Variants in CLYBL observed in about 807,000 individuals in gnomAD.
The protein encoded by CLYBL is citramalyl-CoA lyase, mitochondrial.
In CLYBL, 31 loss-of-function variants were observed where a neutral mutation model predicts 38.9. The ratio of observed to expected loss-of-function variants is 0.80; its 90% CI spans 0.60 to 1.08. The LOEUF is 1.08. Ranked by LOEUF, CLYBL falls within the 50% of genes least tolerant of loss-of-function variation. The pLI, the probability that CLYBL is intolerant of heterozygous loss-of-function variation, is 0.00. For synonymous variants in CLYBL, 171 were observed against 158.6 expected, an observed-to-expected ratio of 1.08 and a Z score of -0.59; for missense variants, 434 against 411.6, an observed-to-expected ratio of 1.05 and a Z score of -0.47.
At chr13:99,783,444 T>G (rs969205100) in intron 2 of CLYBL, among the ~76,000 whole-genome samples, 3 of 133,362 alleles carry the variant, frequency 2.2e-5, no homozygotes, top group African/African-American at 9.1e-5. Context: ...TCTGATAAAT[T>G]CAGTACTTTG....
intron 1 of CLYBL, among the ~76,000 whole-genome samples, chr13:99,671,330 A>G (rs913537614): frequency 6.6e-6 from 1 of 152,162 alleles, no homozygotes; most frequent in African/African-American, 2.4e-5. Context: ...CTGCAGGCCA[A>G]AGAGTTTGAG....
chr13:99,863,454 GTTC>G (rs2051660022), intron 4 of CLYBL, among the ~76,000 whole-genome samples: 1 of 144,516 alleles, frequency 6.9e-6, no homozygotes, highest in Non-Finnish European at 1.5e-5. Context: ...ACTTTGAAAT[GTTC>G]TTTTCTATCA....
At position 99,625,103 on chromosome 13, in the gene CLYBL, G is replaced by C. The variant is rs541100833; in HGVS notation, c.62+18346G>C. Reference sequence around the variant, plus strand: ...CTCTCATGCCTTCTCCATCGGAGCTGGTTCATCACCTTGGCCTGTCTTGGG... The same window carrying C: ...CTCTCATGCCTTCTCCATCGGAGCTCGTTCATCACCTTGGCCTGTCTTGGG... On this transcript the variant is annotated intron_variant, in intron 1 of 8. Coordinates refer to ENST00000339105, the MANE Select transcript of CLYBL (RefSeq NM_206808.5). Among the ~76,000 whole-genome samples the C allele has an allele frequency of 3.3e-5, 5 of 152,326 alleles. No individual in the cohort carries two copies. In the East Asian group the frequency reaches 9.6e-4, roughly 29 times the overall value.
chr13:99,863,118 A>AAGTT (rs773639976), intron 4 of CLYBL, 26 bp downstream of exon 4: 5 of 1,252,784 alleles, frequency 4.0e-6, no homozygotes, highest in Non-Finnish European at 4.5e-6. Context: ...TACGGTTAAT[A>AAGTT]AGTTAGCATT....
At chr13:99,672,202 CTTTT>C (rs75680397) in intron 1 of CLYBL, among the ~76,000 whole-genome samples, 2 of 131,252 alleles carry the variant, frequency 1.5e-5, no homozygotes, top group Non-Finnish European at 1.7e-5. Context: ...TTTTTTTTTT[CTTTT>C]TTTTTTTTTT....
chr13:99,761,365 T>C (rs778109092), intron 1 of CLYBL, among the ~76,000 whole-genome samples: 47 of 152,130 alleles, frequency 3.1e-4, no homozygotes, highest in Non-Finnish European at 5.4e-4. Context: ...GAAAAAAATA[T>C]ATATTTTCTA....
chr13:99,897,936 G>A (rs554872146), downstream of CLYBL, among the ~76,000 whole-genome samples: 24 of 127,436 alleles, frequency 1.9e-4, no homozygotes, highest in East Asian at 4.1e-4. Context: ...GCGAAATGCC[G>A]TCTCAAAAAA....
intron 1 of CLYBL, among the ~76,000 whole-genome samples, chr13:99,671,856 G>C (rs1227010798): frequency 1.3e-5 from 2 of 151,962 alleles, no homozygotes; most frequent in African/African-American, 4.8e-5. Context: ...TGGTAGGTGA[G>C]AAGGGATGTG....
At chr13:99,626,442 T>C (rs2046870813) in intron 1 of CLYBL, among the ~76,000 whole-genome samples, 1 of 152,258 alleles carries the variant, frequency 6.6e-6, no homozygotes, top group Admixed American at 6.5e-5. Flanking sequence ...TTTAATCTCT[T>C]TCGGCCTCCA....
chr13:99,785,304 G>A (rs1178623504), intron 2 of CLYBL, among the ~76,000 whole-genome samples: 1 of 138,546 alleles, frequency 7.2e-6, no homozygotes, highest in African/African-American at 2.7e-5. Flanking sequence ...AACCTCCCAG[G>A]CTTAAATAAT....
chr13:99,865,184 A>G lies in CLYBL; in HGVS notation c.634+273A>G. The G allele has an allele frequency of 2.3e-6, 1 of 427,088 alleles. No homozygotes were observed. Among genetic ancestry groups the G allele is most frequent in the Non-Finnish European group, 4.4e-6 (1 of 224,950 alleles). The allele number at this position is 427,088 out of a possible 1,614,324, so 26.5% of individuals were successfully genotyped here. A position where few individuals can be genotyped will look rare whatever the true frequency, so the allele number is the denominator to read the frequency against. The stretch of plus-strand genomic sequence containing the variant: ...GCCTGTTGCAGCCCCAGGCATGCTC[A>G]GGAATATATGGCATCTCCTTTGCTC... On this transcript the variant is annotated intron_variant, in intron 5 of 8. Coordinates refer to ENST00000339105, the MANE Select transcript of CLYBL (RefSeq NM_206808.5). This position sits in a 1 kb window ranked among gnomAD's most constrained non-coding sequence, Gnocchi z 4.7.
intron 1 of CLYBL, among the ~76,000 whole-genome samples, chr13:99,608,847 C>CTTTTTTTTTTTTTTTTTTTTTTT (rs57961216): frequency 2.5e-4 from 22 of 87,872 alleles, no homozygotes; most frequent in Middle Eastern, 5.7e-3. Context: ...AGTGATGAGT[C>CTTTTTTTTTTTTTTTTTTTTTTT]TTTTTTTTTT....
At chr13:99,664,214 T>G (rs1399543024) in intron 1 of CLYBL, among the ~76,000 whole-genome samples, 1 of 152,264 alleles carries the variant, frequency 6.6e-6, no homozygotes, top group Non-Finnish European at 1.5e-5. Context: ...TTTCCTGTGT[T>G]CTTAGTATTC....
intron 1 of CLYBL, among the ~76,000 whole-genome samples, chr13:99,693,011 T>C (rs1033900381): frequency 3.3e-5 from 5 of 152,226 alleles, no homozygotes; most frequent in African/African-American, 9.6e-5. Context: ...ATGGCCATTA[T>C]AATTTCACTA....
intron 7 of CLYBL, among the ~76,000 whole-genome samples, chr13:99,879,634 T>C (rs1192103098): frequency 6.6e-6 from 1 of 152,250 alleles, no homozygotes; most frequent in Non-Finnish European, 1.5e-5. Flanking sequence ...ACTAAATCTA[T>C]GATTTATAAG....
At chr13:99,676,364 C>T (rs1359520900) in intron 1 of CLYBL, among the ~76,000 whole-genome samples, 1 of 152,074 alleles carries the variant, frequency 6.6e-6, no homozygotes, top group Admixed American at 6.6e-5. Flanking sequence ...GGCTGGAGTG[C>T]AATGGCGCAA....
At chr13:99,708,277 G>A (rs905009648) in intron 1 of CLYBL, among the ~76,000 whole-genome samples, 5 of 152,124 alleles carry the variant, frequency 3.3e-5, no homozygotes, top group Admixed American at 1.3e-4. Context: ...CCTCACACCC[G>A]GCCTGATGCT....
At chr13:99,703,188 C>T (rs1377722801) in intron 1 of CLYBL, among the ~76,000 whole-genome samples, 1 of 152,170 alleles carries the variant, frequency 6.6e-6, no homozygotes, top group African/African-American at 2.4e-5. Context: ...CACGAGGTGG[C>T]TCTAGCCTGT....
chr13:99,614,366 G>T (rs1218944246), intron 1 of CLYBL, among the ~76,000 whole-genome samples: 3 of 152,120 alleles, frequency 2.0e-5, no homozygotes, highest in Non-Finnish European at 4.4e-5. Context: ...TGCGGAAGCG[G>T]CAATACCAGG....
Sources: allele counts gnomAD v4.1 joint callset (sites outside exome capture counted in the v4.1 genomes callset), GRCh38; gene constraint gnomAD v4.1.1; non-coding constraint Gnocchi (gnomAD v3.1); transcripts MANE v1.5; gene names NCBI Gene and HGNC (gene_info 2026-07-23, HGNC 2026-07-21).